The following ASB15 variants were observed in gnomAD, a reference collection of about 807,000 sequenced individuals.
ASB15 encodes the protein ankyrin repeat and SOCS box protein 15.
In ASB15, 54 loss-of-function variants were observed where a neutral mutation model predicts 58.0. That is an observed-to-expected ratio of 0.93 (90% CI 0.75 to 1.17). The LOEUF is 1.17. Among genes scored for constraint, ASB15 ranks in the 50% most tolerant of loss-of-function variants. ASB15 has a pLI of 0.00. For synonymous variants in ASB15, 249 were observed against 262.4 expected, an observed-to-expected ratio of 0.95 and a Z score of 0.50; for missense variants, 680 against 707.4, an observed-to-expected ratio of 0.96 and a Z score of 0.44.
At chr7:123,632,080 AAAT>A (rs373227752) in intron 11 of ASB15, among the ~76,000 whole-genome samples, 7 of 151,748 alleles carry the variant, frequency 4.6e-5, no homozygotes, top group Admixed American at 1.3e-4. Flanking sequence ...TCCATCTCAA[AAAT>A]AATAATAATA....
At chr7:123,598,458 A>G (rs1269990346), upstream of ASB15, among the ~76,000 whole-genome samples, 1 of 152,194 alleles carries the variant, frequency 6.6e-6, no homozygotes, top group African/African-American at 2.4e-5. Context: ...ATACACTTGA[A>G]ATGCCTTTCA....
intron 9 of ASB15, among the ~76,000 whole-genome samples, chr7:123,627,571 C>T (rs1801878361): frequency 6.6e-6 from 1 of 152,088 alleles, no homozygotes; most frequent in Non-Finnish European, 1.5e-5. Flanking sequence ...TCAAGAGTGC[C>T]TTTCTGTTTA....
chr7:123,624,540 T>TAA (rs1224419085), intron 7 of ASB15, 29 bp from the exon 8 acceptor site: 1 of 1,591,732 alleles, frequency 6.3e-7, no homozygotes, highest in Non-Finnish European at 8.6e-7. Context: ...TTAATATACT[T>TAA]ACTGTTGTTT....
chr7:123,597,494 T>C (rs570991503), upstream of ASB15, among the ~76,000 whole-genome samples: 2 of 152,292 alleles, frequency 1.3e-5, no homozygotes, highest in Admixed American at 6.5e-5. Flanking sequence ...TAGAGTTCTG[T>C]ATTATTTGTG....
At chr7:123,631,233 A>G (rs1802099726) in intron 11 of ASB15, among the ~76,000 whole-genome samples, 1 of 152,184 alleles carries the variant, frequency 6.6e-6, no homozygotes, top group Non-Finnish European at 1.5e-5. Flanking sequence ...TTCCCATTGC[A>G]AAGTAGATGT....
chr7:123,586,861 AT>A (rs772677970), intron 1 of ASB15, among the ~76,000 whole-genome samples: 4 of 151,692 alleles, frequency 2.6e-5, no homozygotes, highest in Non-Finnish European at 4.4e-5. Context: ...TTGATTATAC[AT>A]TTATGGGTTT....
At chr7:123,588,616 T>C (rs1049051887) in intron 1 of ASB15, among the ~76,000 whole-genome samples, 18 of 151,180 alleles carry the variant, frequency 1.2e-4, no homozygotes, top group African/African-American at 4.4e-4. Flanking sequence ...CTACTAACTT[T>C]GGGGTTATTT....
At chr7:123,610,807 T>C (rs1295871535) in intron 3 of ASB15, among the ~76,000 whole-genome samples, 7 of 152,206 alleles carry the variant, frequency 4.6e-5, no homozygotes, top group African/African-American at 1.4e-4. Context: ...TGGTCTTCTC[T>C]AGAACAAGAT....
At chr7:123,576,927 C>A (rs571768335) in intron 1 of ASB15, among the ~76,000 whole-genome samples, 1 of 152,026 alleles carries the variant, frequency 6.6e-6, no homozygotes, top group Non-Finnish European at 1.5e-5. Flanking sequence ...TGTCATTCTC[C>A]GTGTTGCTTA....
chr7:123,616,636 C>T (rs1283802566), intron 6 of ASB15, 141 bp downstream of exon 6: 1 of 1,082,414 alleles, frequency 9.2e-7, no homozygotes, highest in Admixed American at 3.2e-5. Context: ...AGGCAGCACC[C>T]ATGTTTTAAA....
At chr7:123,598,537 A>T (rs1026527205), upstream of ASB15, among the ~76,000 whole-genome samples, 9 of 152,232 alleles carry the variant, frequency 5.9e-5, no homozygotes, top group African/African-American at 2.2e-4. Flanking sequence ...ACCAGCTTTT[A>T]AAAAATTTAT....
chr7:123,568,038 C>T (rs1174481924), intron 1 of ASB15, among the ~76,000 whole-genome samples: 3 of 151,930 alleles, frequency 2.0e-5, no homozygotes, highest in Non-Finnish European at 4.4e-5. Context: ...TGTTGATTTT[C>T]AGAACTTCAT....
chr7:123,593,691 C>T lies in ASB15; in HGVS notation c.-442-10341C>T, dbSNP rs1799612392. On this transcript the variant is annotated intron_variant, in intron 1 of 13. Transcript: ENST00000451558. ...TCTCTTTGTGGGTAACCTGACCTTT[C>T]TCTCTGGCTGCCCTTAACATTTTTT... 2.0e-5 allele frequency among the ~76,000 whole-genome samples: 3 copies of T among 152,278 alleles called. No homozygotes were observed. The South Asian group carries it at 6.2e-4, about 32-fold the overall frequency.
chr7:123,587,483 T>A (rs1799408180), intron 1 of ASB15, among the ~76,000 whole-genome samples: 2 of 151,570 alleles, frequency 1.3e-5, no homozygotes, highest in Non-Finnish European at 3.0e-5. Context: ...TGGTATTATG[T>A]CATCTGCAGA....
chr7:123,607,572 G>A (rs971237846), intron 2 of ASB15, among the ~76,000 whole-genome samples: 1 of 151,936 alleles, frequency 6.6e-6, no homozygotes, highest in Admixed American at 6.6e-5. Context: ...CTGCAGCCTC[G>A]ACCTTCTAGG....
chr7:123,606,376 C>A (rs1015017391), intron 2 of ASB15, among the ~76,000 whole-genome samples: 1 of 152,132 alleles, frequency 6.6e-6, no homozygotes, highest in African/African-American at 2.4e-5. Context: ...AGGTTCCTGG[C>A]CTGCTCAGTC....
At position 123,639,434 on chromosome 7, in the gene ASB15, A is replaced by G. The variant is rs1196453999; in HGVS notation, c.*2453A>G. 2 of 152,234 alleles carry G rather than the reference A, an allele frequency of 1.3e-5. No homozygotes were observed. Among genetic ancestry groups the G allele is most frequent in the Non-Finnish European group, 2.9e-5 (2 of 68,030 alleles). The allele number at this position is 152,234 out of a possible 1,614,324, so 9.4% of individuals were successfully genotyped here. The stretch of plus-strand genomic sequence containing the variant: ...ATGAATAAAAAATCATATTGAGGTT[A>G]TAAGTCTGCTTTATGATACTTCATA... On this transcript the variant is annotated 3_prime_UTR_variant, in exon 12 of 12. Transcript: ENST00000451215.
At chr7:123,632,774 C>CA (rs1454380922) in intron 11 of ASB15, among the ~76,000 whole-genome samples, 4 of 151,522 alleles carry the variant, frequency 2.6e-5, no homozygotes, top group Non-Finnish European at 4.4e-5. Context: ...ATAAGAAATA[C>CA]AAAAAACTAA....
At chr7:123,578,049 C>A (rs947722590) in intron 1 of ASB15, among the ~76,000 whole-genome samples, 2 of 151,414 alleles carry the variant, frequency 1.3e-5, no homozygotes, top group African/African-American at 4.9e-5. Flanking sequence ...CCTAGCCCCC[C>A]ACCCCATGAC....
Sources: allele counts gnomAD v4.1 joint callset (sites outside exome capture counted in the v4.1 genomes callset), GRCh38; gene constraint gnomAD v4.1.1; transcripts MANE v1.5; gene names NCBI Gene and HGNC (gene_info 2026-07-23, HGNC 2026-07-21).